Variants in RMDN1 observed in about 807,000 individuals in gnomAD.
RMDN1 encodes the protein regulator of microtubule dynamics protein 1.
In RMDN1, 48 loss-of-function variants were observed where a neutral mutation model predicts 48.9. That is an observed-to-expected ratio of 0.98 (90% CI 0.78 to 1.25). The LOEUF is 1.25. Ranked by LOEUF, RMDN1 falls within the 50% of genes most tolerant of loss-of-function variation. The pLI is 0.00. For missense variants in RMDN1, 418 were observed against 373.4 expected (o/e 1.12, Z -0.98); for synonymous variants, 148 against 132.6 (o/e 1.12, Z -0.80).
intron 5 of RMDN1, among the ~76,000 whole-genome samples, chr8:86,481,209 G>A (rs1403817430): frequency 6.6e-6 from 1 of 152,124 alleles, no homozygotes; most frequent in Non-Finnish European, 1.5e-5. Flanking sequence ...AAACCAGACT[G>A]CCAGGATTCA....
chr8:86,480,483 C>G (rs1303903994), intron 5 of RMDN1, 151 bp from the exon 6 acceptor site: 1 of 495,264 alleles, frequency 2.0e-6, no homozygotes, highest in Non-Finnish European at 3.7e-6. Context: ...CCTCCTGATT[C>G]TTTGATTAAA....
intron 1 of RMDN1, 135 bp from the exon 2 acceptor site, chr8:86,507,247 A>C (rs368838750): frequency 2.5e-5 from 15 of 591,112 alleles, no homozygotes; most frequent in East Asian, 2.4e-4. Flanking sequence ...AAATTACTTC[A>C]TCAAAATCTT....
chr8:86,514,357 T>C, upstream of RMDN1: 1 of 695,174 alleles, frequency 1.4e-6, no homozygotes, highest in Non-Finnish European at 1.8e-6. Context: ...GCGGATGGGC[T>C]GATCCTCGCG....
chr8:86,471,465 GAATTA>G (rs1478949917), downstream of RMDN1, among the ~76,000 whole-genome samples: 16 of 152,004 alleles, frequency 1.1e-4, no homozygotes, highest in African/African-American at 3.9e-4. Context: ...ATGCTAATAT[GAATTA>G]AATTATTAGA....
At chr8:86,469,815 TCTC>T (rs1328438060), downstream of RMDN1, among the ~76,000 whole-genome samples, 4 of 152,306 alleles carry the variant, frequency 2.6e-5, no homozygotes, top group African/African-American at 4.8e-5. Context: ...CCAAAATTTC[TCTC>T]CTCAATTCTC....
intron 4 of RMDN1, 43 bp downstream of exon 4, chr8:86,486,441 G>A: frequency 7.6e-7 from 1 of 1,322,302 alleles, no homozygotes; most frequent in East Asian, 2.6e-5. Flanking sequence ...TATAGAAAAT[G>A]TACCTCTCAG....
intron 4 of RMDN1, among the ~76,000 whole-genome samples, chr8:86,485,744 G>A (rs1041860402): frequency 6.6e-6 from 1 of 152,084 alleles, no homozygotes; most frequent in Admixed American, 6.5e-5. Flanking sequence ...TCTTTCCCAA[G>A]AAATGAATCT....
At chr8:86,508,861 AG>A, upstream of RMDN1, 2 of 1,163,212 alleles carry the variant, frequency 1.7e-6, no homozygotes, top group Non-Finnish European at 2.2e-6. Context: ...TCCAGGACTG[AG>A]GCCGTGAGAG....
intron 2 of RMDN1, among the ~76,000 whole-genome samples, chr8:86,496,240 C>T (rs1817323249): frequency 6.6e-6 from 1 of 152,178 alleles, no homozygotes; most frequent in Non-Finnish European, 1.5e-5. Context: ...ACTATACAAT[C>T]AAGTTCACAT....
chr8:86,503,350 TCAAAACAAAACAAAA>T (rs1178103772), intron 2 of RMDN1, among the ~76,000 whole-genome samples: 1 of 104,876 alleles, frequency 9.5e-6, no homozygotes, highest in Non-Finnish European at 2.1e-5. Flanking sequence ...AGACTCCGTC[TCAAAACAAAACAAAA>T]CAAAACAAAA....
chr8:86,505,602 G>A (rs1310984908), intron 2 of RMDN1, among the ~76,000 whole-genome samples: 3 of 152,212 alleles, frequency 2.0e-5, no homozygotes, highest in African/African-American at 4.8e-5. Context: ...TGCAGAATGC[G>A]CAGGTTTGTT....
intron 2 of RMDN1, among the ~76,000 whole-genome samples, chr8:86,492,965 G>GA (rs1816747662): frequency 6.7e-6 from 1 of 149,794 alleles, no homozygotes; most frequent in Non-Finnish European, 1.5e-5. Flanking sequence ...GAATTAAGCA[G>GA]AAATTTTGAA....
chr8:86,473,963 T>A lies in RMDN1; in HGVS notation c.*345A>T. The A allele has an allele frequency of 9.6e-7, 1 of 1,037,686 alleles. No homozygotes were observed. Among genetic ancestry groups the A allele is most frequent in the Non-Finnish European group, 1.2e-6 (1 of 863,298 alleles). 64.3% of individuals were successfully genotyped at this position (1,037,686 alleles called of 1,614,324 possible). A position where few individuals can be genotyped will look rare whatever the true frequency, so the allele number is the denominator to read the frequency against. The stretch of plus-strand genomic sequence containing the variant: ...ATTTGAAAATCCATCCCCCTGTATA[T>A]CCCCTATAGATCCATTTCCCCTCCT... On this transcript the variant is annotated 3_prime_UTR_variant, in exon 10 of 10. Transcript: ENST00000406452.
chr8:86,501,027 T>G (rs751511173), intron 2 of RMDN1, among the ~76,000 whole-genome samples: 1 of 151,948 alleles, frequency 6.6e-6, no homozygotes, highest in Non-Finnish European at 1.5e-5. Flanking sequence ...ACAAGAACAA[T>G]AGACGCTGGG....
chr8:86,505,423 C>A, intron 2 of RMDN1: 1 of 454,100 alleles, frequency 2.2e-6, no homozygotes, highest in Middle Eastern at 3.3e-4. Flanking sequence ...GTTCCCCCAA[C>A]CTCAGACTTA....
chr8:86,492,105 G>A (rs1377253026), intron 2 of RMDN1, among the ~76,000 whole-genome samples: 2 of 151,948 alleles, frequency 1.3e-5, no homozygotes, highest in Non-Finnish European at 2.9e-5. Flanking sequence ...AGTTCTGTAG[G>A]TTCATCAATA....
chr8:86,474,024 T>C lies in RMDN1; in HGVS notation c.*284A>G. The stretch of plus-strand genomic sequence containing the variant: ...TTCTTTGCTTGATCTCCCATCCCAA[T>C]GTGATCAATCCTTAGAAATCTCATA... On this transcript the variant is annotated 3_prime_UTR_variant, in exon 10 of 10. Coordinates refer to ENST00000406452, the MANE Select transcript of RMDN1 (RefSeq NM_016033.3). 2 of 1,126,362 alleles carry C rather than the reference T, an allele frequency of 1.8e-6. No individual in the cohort carries two copies. Among genetic ancestry groups the C allele is most frequent in the Non-Finnish European group, 2.2e-6 (2 of 919,140 alleles). 69.8% of individuals were successfully genotyped at this position (1,126,362 alleles called of 1,614,324 possible).
chr8:86,495,715 C>A (rs769411736), intron 2 of RMDN1, among the ~76,000 whole-genome samples: 1 of 152,124 alleles, frequency 6.6e-6, no homozygotes, highest in Non-Finnish European at 1.5e-5. Flanking sequence ...TGAAGCTGGA[C>A]CCCCACAGGT....
At chr8:86,507,156 G>C (rs1396165025) in intron 1 of RMDN1, 44 bp from the exon 2 acceptor site, 1 of 1,242,524 alleles carries the variant, frequency 8.0e-7, no homozygotes, top group African/African-American at 1.5e-5. Context: ...TTGAAAATTT[G>C]AAGGTACTGC....
Sources: allele counts gnomAD v4.1 joint callset (sites outside exome capture counted in the v4.1 genomes callset), GRCh38; gene constraint gnomAD v4.1.1; transcripts MANE v1.5; gene names NCBI Gene and HGNC (gene_info 2026-07-23, HGNC 2026-07-21).